The following MATN2 variants were observed in gnomAD, a reference collection of about 807,000 sequenced individuals.
MATN2 encodes matrilin 2.
MATN2 carries 69 observed loss-of-function variants against 103.2 expected under a neutral mutation model. The ratio of observed to expected loss-of-function variants is 0.67; its 90% CI spans 0.55 to 0.82. MATN2 has a LOEUF of 0.82. Ranked by LOEUF, MATN2 falls within the 40% of genes least tolerant of loss-of-function variation. The pLI, the probability that MATN2 is intolerant of heterozygous loss-of-function variation, is 0.00. For synonymous variants in MATN2, 429 were observed against 450.2 expected (o/e 0.95, Z 0.60); for missense variants, 1,023 against 1,211.5 (o/e 0.84, Z 2.31).
intron 4 of MATN2, among the ~76,000 whole-genome samples, chr8:97,953,772 A>T (rs920899266): frequency 1.3e-5 from 2 of 148,274 alleles, no homozygotes; most frequent in Non-Finnish European, 3.0e-5. Flanking sequence ...CCTGGGCAAC[A>T]AGAGTAAATC....
In MATN2 at chr8:98,033,040, A is replaced by C. The variant is rs1344575808; in HGVS notation, c.2582-2A>C. On this transcript the variant is annotated splice_acceptor_variant, in intron 16 of 18. Transcript: ENST00000254898. LOFTEE classifies it high-confidence loss of function. ...TGATTGCAGTTTTCTTTCTCTTTAC[A>C]GAATCTGAGCCAGTCACCATAAATA... is the stretch of plus-strand genomic sequence containing the variant. 3 of 1,599,812 alleles carry C rather than the reference A, an allele frequency of 1.9e-6. No homozygotes were observed. The highest frequency in any genetic ancestry group is 2.6e-6 in the Non-Finnish European group (3 of 1,176,018).
chr8:98,021,095 G>T (rs1813573384), intron 12 of MATN2, 110 bp from the exon 13 acceptor site: 2 of 1,018,004 alleles, frequency 2.0e-6, no homozygotes, highest in African/African-American at 1.6e-5. Context: ...TTTGAAGAGA[G>T]GTGTATTTTC....
intron 2 of MATN2, among the ~76,000 whole-genome samples, chr8:97,892,345 C>T (rs562145316): frequency 2.2e-5 from 3 of 136,700 alleles, no homozygotes; most frequent in South Asian, 2.3e-4. Context: ...CCCCAGAGGT[C>T]GAGGCTGCAT....
At chr8:97,922,377 A>G (rs1475417718) in intron 2 of MATN2, among the ~76,000 whole-genome samples, 3 of 152,204 alleles carry the variant, frequency 2.0e-5, no homozygotes, top group African/African-American at 4.8e-5. Flanking sequence ...GACCCTTCAC[A>G]TAGCCAGCCT....
chr8:97,941,693 A>G (rs1290314782), intron 3 of MATN2, 84 bp from the exon 4 acceptor site: 2 of 1,447,014 alleles, frequency 1.4e-6, no homozygotes, highest in Non-Finnish European at 9.4e-7. Flanking sequence ...AGGAGAGAGT[A>G]GGCACTGAAT....
chr8:97,976,344 G>A (rs567644247), intron 5 of MATN2, among the ~76,000 whole-genome samples: 165 of 152,236 alleles, frequency 1.1e-3, no homozygotes, highest in African/African-American at 3.6e-3. Context: ...CCTGACCTCC[G>A]GTGATCCACC....
chr8:97,948,127 A>G (rs1810813787), intron 4 of MATN2, among the ~76,000 whole-genome samples: 1 of 152,218 alleles, frequency 6.6e-6, no homozygotes, highest in South Asian at 2.1e-4. Flanking sequence ...GAAGTACAAA[A>G]AGGCAAAAAA....
chr8:97,955,355 A>G (rs1189870410), intron 4 of MATN2, among the ~76,000 whole-genome samples: 4 of 152,242 alleles, frequency 2.6e-5, no homozygotes, highest in Admixed American at 2.6e-4. Flanking sequence ...TAGTGGCTCC[A>G]TGGTGGCAGG....
chr8:97,958,709 C>A (rs1318881826), intron 4 of MATN2, among the ~76,000 whole-genome samples: 1 of 152,164 alleles, frequency 6.6e-6, no homozygotes, highest in Non-Finnish European at 1.5e-5. Flanking sequence ...TTTTCCCAGG[C>A]CTGAGAGGAT....
intron 13 of MATN2, chr8:98,025,762 T>C (rs1052087392): frequency 2.5e-5 from 11 of 444,900 alleles, no homozygotes; most frequent in African/African-American, 1.2e-4. Flanking sequence ...GAAGAAGAAA[T>C]GAGATAATCC....
intron 5 of MATN2, among the ~76,000 whole-genome samples, chr8:97,969,440 A>G (rs1490311813): frequency 6.6e-6 from 1 of 152,242 alleles, no homozygotes; most frequent in Non-Finnish European, 1.5e-5. Context: ...CATTCCCAAT[A>G]TACTCTAAGA....
intron 2 of MATN2, among the ~76,000 whole-genome samples, chr8:97,917,104 G>A (rs1809654704): frequency 6.6e-6 from 1 of 152,054 alleles, no homozygotes; most frequent in Non-Finnish European, 1.5e-5. Flanking sequence ...AGTCTCTTTA[G>A]GGAGCATCCT....
At chr8:97,940,425 C>T (rs1172687300) in intron 3 of MATN2, among the ~76,000 whole-genome samples, 3 of 152,116 alleles carry the variant, frequency 2.0e-5, no homozygotes, top group Non-Finnish European at 4.4e-5. Flanking sequence ...TATTTGTATC[C>T]TAACAGGAAC....
At chr8:97,928,718 G>C (rs1337887762) in intron 2 of MATN2, among the ~76,000 whole-genome samples, 1 of 152,226 alleles carries the variant, frequency 6.6e-6, no homozygotes, top group African/African-American at 2.4e-5. Context: ...GGGGTGGGGA[G>C]AGCCTGTACA....
intron 18 of MATN2, 30 bp downstream of exon 18, chr8:98,033,689 T>C (rs770867913): frequency 3.2e-5 from 44 of 1,375,558 alleles, no homozygotes; most frequent in Non-Finnish European, 4.3e-5. Flanking sequence ...TGCTTCTGTA[T>C]GGAATGCAAA....
At chr8:97,944,410 C>T (rs933822841) in intron 4 of MATN2, among the ~76,000 whole-genome samples, 5 of 152,184 alleles carry the variant, frequency 3.3e-5, no homozygotes, top group African/African-American at 1.2e-4. Flanking sequence ...AATAAATGTG[C>T]AGTGATAAAG....
intron 2 of MATN2, among the ~76,000 whole-genome samples, chr8:97,905,005 T>C (rs962124025): frequency 6.6e-6 from 1 of 152,204 alleles, no homozygotes; most frequent in Non-Finnish European, 1.5e-5. Flanking sequence ...CACAGATATT[T>C]TCATGGCACA....
rs547348156 is a variant in MATN2 at position 97,943,377 on chromosome 8, C to T, written c.835+1478C>T. Among the ~76,000 whole-genome samples the T allele has an allele frequency of 5.1e-4, 77 of 152,070 alleles. 1 individual carries two copies. The highest frequency in any genetic ancestry group is 1.8e-3 in the African/African-American group (73 of 41,502). On this transcript the variant is annotated intron_variant, in intron 4 of 18. Transcript: ENST00000254898. ...TTCCCACCATCTTGCCCACTCCCTT[C>T]CTGCCCTTTCTCCTTCTCCTTCTCT... is the stretch of plus-strand genomic sequence containing the variant.
intron 1 of MATN2, among the ~76,000 whole-genome samples, chr8:97,883,043 C>T (rs1260498067): frequency 6.6e-6 from 1 of 152,034 alleles, no homozygotes; most frequent in Admixed American, 6.6e-5. Context: ...GTGGCTCATG[C>T]TTGTAAACCT....
Sources: gnomAD v4.1 joint callset for allele counts (sites outside exome capture counted in the v4.1 genomes callset) on GRCh38, gnomAD v4.1.1 for gene constraint, MANE v1.5 for transcripts, NCBI Gene and HGNC (gene_info 2026-07-23, HGNC 2026-07-21) for gene names.